ADD2: variants seen among roughly 807,000 people sequenced by gnomAD.
ADD2 encodes the protein beta-adducin.
Under a neutral mutation model 83.0 loss-of-function variants are expected in ADD2, and 23 were observed. That is an observed-to-expected ratio of 0.28 (90% confidence interval 0.20 to 0.39). ADD2 has a LOEUF of 0.39. Among genes scored for constraint, ADD2 ranks in the 10% least tolerant of loss-of-function variants. ADD2 has a pLI of 1.00. For synonymous variants in ADD2, 375 were observed against 375.4 expected (o/e 1.00, Z 0.01); for missense variants, 758 against 944.9 (o/e 0.80, Z 2.59).
rs782477343 is a variant in ADD2 at position 70,673,232 on chromosome 2, C to T, written c.1742-226G>A. 57 of 1,614,020 alleles carry T rather than the reference C, an allele frequency of 3.5e-5. 1 individual carries two copies. In the South Asian group the frequency reaches 6.1e-4, roughly 17 times the overall value. On this transcript the variant is annotated intron_variant, in intron 14 of 15. Transcript: ENST00000264436. ...TGGAGTCATGTTTCCTTCATCAAAA[C>T]ACACCTACCAATATGTTACTCCAGA...
intron 1 of ADD2, among the ~76,000 whole-genome samples, chr2:70,752,834 C>T (rs932139781): frequency 6.6e-6 from 1 of 152,182 alleles, no homozygotes; most frequent in African/African-American, 2.4e-5. Context: ...ACATCAGCAT[C>T]GCTGGGAGCT....
At chr2:70,712,474 AAG>A (rs1553375654) in intron 2 of ADD2, among the ~76,000 whole-genome samples, 2 of 151,836 alleles carry the variant, frequency 1.3e-5, no homozygotes, top group Non-Finnish European at 2.9e-5. Context: ...AAAAAAAAAA[AAG>A]AAACTGAATC....
At chr2:70,666,962 G>A (rs1401671541) in intron 15 of ADD2, among the ~76,000 whole-genome samples, 1 of 152,184 alleles carries the variant, frequency 6.6e-6, no homozygotes, top group African/African-American at 2.4e-5. Flanking sequence ...CCACTGGAGG[G>A]TTCCACTGGC....
chr2:70,703,912 T>G (rs981625916), intron 4 of ADD2, among the ~76,000 whole-genome samples: 8 of 152,194 alleles, frequency 5.3e-5, no homozygotes, highest in Non-Finnish European at 8.8e-5. Flanking sequence ...AGTTATTTTT[T>G]GATGCTTGTG....
At position 70,676,927 on chromosome 2, in the gene ADD2, G is replaced by A; in HGVS notation, c.1504-42C>T. The A allele has an allele frequency of 6.3e-7, 1 of 1,598,170 alleles. No homozygotes were observed. The highest frequency in any genetic ancestry group is 1.7e-5 in the Admixed American group (1 of 59,474). On this transcript the variant is annotated intron_variant, in intron 12 of 15. Transcript: ENST00000264436. The surrounding 1 kb of genome is among the most constrained non-coding windows in gnomAD (Gnocchi z 4.8). Reference sequence around the variant, plus strand: ...GAGGAAGAGTGAGCTGGCTGTTCAGGGTCAGCGTGGAGTTTGGGAGGGGGC... The same window carrying A: ...GAGGAAGAGTGAGCTGGCTGTTCAGAGTCAGCGTGGAGTTTGGGAGGGGGC...
At chr2:70,728,673 C>T (rs1324280283) in intron 1 of ADD2, among the ~76,000 whole-genome samples, 1 of 152,218 alleles carries the variant, frequency 6.6e-6, no homozygotes, top group African/African-American at 2.4e-5. Flanking sequence ...ACTTTTTGCA[C>T]AGACAGTAAC....
At chr2:70,695,343 A>G (rs2104339103) in intron 6 of ADD2, among the ~76,000 whole-genome samples, 1 of 152,208 alleles carries the variant, frequency 6.6e-6, no homozygotes, top group African/African-American at 2.4e-5. Context: ...AGCATCTCTA[A>G]TGGTGCCAGT....
At chr2:70,678,214 T>C (rs556550387) in intron 11 of ADD2, among the ~76,000 whole-genome samples, 3 of 152,228 alleles carry the variant, frequency 2.0e-5, no homozygotes, top group Non-Finnish European at 4.4e-5. Flanking sequence ...GAGCTTCATA[T>C]TGTTTTATGA....
chr2:70,704,263 T>TGCCCCCCCCCCCCCACCCCCCCCCACCC, intron 4 of ADD2, 58 bp downstream of exon 4: 1 of 913,238 alleles, frequency 1.1e-6, no homozygotes, highest in Non-Finnish European at 1.7e-6. Flanking sequence ...CTCCCTCTCT[T>TGCCCCCCCCCCCCCACCCCCCCCCACCC]CCCCACCCCA....
At chr2:70,664,378 G>A (rs533361113) in intron 15 of ADD2, among the ~76,000 whole-genome samples, 53 of 152,242 alleles carry the variant, frequency 3.5e-4, no homozygotes, top group African/African-American at 5.3e-4. Context: ...GGAATCTGTC[G>A]GGATCGCGGG....
intron 9 of ADD2, among the ~76,000 whole-genome samples, chr2:70,686,856 C>T (rs962959259): frequency 7.2e-5 from 11 of 152,196 alleles, no homozygotes; most frequent in Admixed American, 6.5e-4. Flanking sequence ...CAGCTATCCT[C>T]ACCACATATC....
intron 4 of ADD2, among the ~76,000 whole-genome samples, chr2:70,698,520 T>C (rs962624086): frequency 6.6e-6 from 1 of 152,206 alleles, no homozygotes; most frequent in Non-Finnish European, 1.5e-5. Context: ...AGGGCAACTG[T>C]AGTTAACAAG....
intron 4 of ADD2, among the ~76,000 whole-genome samples, chr2:70,696,889 G>A (rs1213790343): frequency 2.0e-5 from 3 of 152,030 alleles, no homozygotes; most frequent in Non-Finnish European, 4.4e-5. Flanking sequence ...AGCTGGGTGC[G>A]GTGGCTCACA....
At chr2:70,754,739 C>G (rs200622392) in intron 1 of ADD2, among the ~76,000 whole-genome samples, 1 of 152,106 alleles carries the variant, frequency 6.6e-6, no homozygotes. Context: ...CACCCTCTCC[C>G]GTGGTCATAC....
intron 2 of ADD2, among the ~76,000 whole-genome samples, chr2:70,709,165 T>C (rs1024658239): frequency 6.6e-6 from 1 of 152,126 alleles, no homozygotes; most frequent in Admixed American, 6.5e-5. Context: ...GGACCTATGA[T>C]CTTAATCATT....
rs782545326 is a variant in ADD2, at chr2:70,692,449, G to A, written c.659C>T (p.Pro220Leu). ...CLHSAIYAAR[P>L]DVRCIIHLHT... is the part of the protein sequence containing the mutation. Reference sequence around the variant, plus strand: ...CAGGTGGATGATGCAGCGCACGTCGGGCCTCGCTGCATAGATGGCCGAGTG... The same window carrying A: ...CAGGTGGATGATGCAGCGCACGTCGAGCCTCGCTGCATAGATGGCCGAGTG... Residue 220 changes from proline to leucine, a missense_variant, in exon 7 of 16, where the codon CCC (proline) becomes CTC (leucine). Coordinates refer to ENST00000264436, the MANE Select transcript of ADD2 (RefSeq NM_001617.4). 1.2e-6 allele frequency: 2 copies of A among 1,610,790 alleles called. No homozygotes were observed. The highest frequency in any genetic ancestry group is 1.7e-6 in the Non-Finnish European group (2 of 1,178,386).
intron 13 of ADD2, chr2:70,675,267 T>C (rs1670076214): frequency 2.0e-6 from 2 of 1,002,824 alleles, no homozygotes; most frequent in Non-Finnish European, 2.4e-6. Context: ...CCCACAGCAG[T>C]GCAAGCCACA....
At chr2:70,673,668 C>G (rs1257235955) in intron 14 of ADD2, among the ~76,000 whole-genome samples, 1 of 152,108 alleles carries the variant, frequency 6.6e-6, no homozygotes, top group Non-Finnish European at 1.5e-5. Flanking sequence ...GTGACCTCAG[C>G]TCACTGTAAC....
At chr2:70,703,259 A>C (rs1553373770) in intron 4 of ADD2, among the ~76,000 whole-genome samples, 1 of 152,226 alleles carries the variant, frequency 6.6e-6, no homozygotes, top group Non-Finnish European at 1.5e-5. Flanking sequence ...GAAGAAAATC[A>C]TGTCCAATAT....
Sources: allele counts gnomAD v4.1 joint callset (sites outside exome capture counted in the v4.1 genomes callset), GRCh38; gene constraint gnomAD v4.1.1; non-coding constraint Gnocchi (gnomAD v3.1); transcripts MANE v1.5; gene names NCBI Gene and HGNC (gene_info 2026-07-23, HGNC 2026-07-21).